UBR3: variants seen among roughly 807,000 people sequenced by gnomAD.
UBR3 encodes E3 ubiquitin-protein ligase UBR3.
Under a neutral mutation model 243.2 loss-of-function variants are expected in UBR3, and 85 were observed. The observed-to-expected ratio is 0.35, with a 90% CI of 0.29 to 0.42. The LOEUF (loss-of-function observed/expected upper bound fraction) is 0.42, where lower values mean the gene tolerates loss of function less well. Among genes scored for constraint, UBR3 ranks in the 10% least tolerant of loss-of-function variants. The probability of loss-of-function intolerance (pLI) is 1.00; values close to 1 mark genes in which losing one functional copy is unlikely to be tolerated. For missense variants in UBR3, 1,686 were observed against 2,300.8 expected, an observed-to-expected ratio of 0.73 and a Z score of 5.47; for synonymous variants, 748 against 799.8, an observed-to-expected ratio of 0.94 and a Z score of 1.09.
At chr2:170,019,930 C>G (rs1159771149) in intron 30 of UBR3, among the ~76,000 whole-genome samples, 1 of 152,050 alleles carries the variant, frequency 6.6e-6, no homozygotes, top group Non-Finnish European at 1.5e-5. Flanking sequence ...CACACACCAT[C>G]AGGCCCGACT....
In UBR3 at chr2:169,929,011, T is replaced by C. The variant is rs1365602264; in HGVS notation, c.2566+143T>C. 5.7e-6 allele frequency: 4 copies of C among 705,132 alleles called. No individual in the cohort carries two copies. In the East Asian group the frequency reaches 1.2e-4, roughly 22 times the overall value. 43.7% of individuals were successfully genotyped at this position (705,132 alleles called of 1,614,324 possible). A position where few individuals can be genotyped will look rare whatever the true frequency, so the allele number is the denominator to read the frequency against. On this transcript the variant is annotated intron_variant, in intron 18 of 38. Coordinates refer to ENST00000272793, the MANE Select transcript of UBR3 (RefSeq NM_172070.4). ...CCATTTTGTTATAAATGTATGTCTT[T>C]ATTGGTAAACAGTGATACTGCTTTC... is the stretch of plus-strand genomic sequence containing the variant.
chr2:169,959,061 C>T (rs564924264), intron 24 of UBR3, among the ~76,000 whole-genome samples: 1 of 152,174 alleles, frequency 6.6e-6, no homozygotes, highest in South Asian at 2.1e-4. Context: ...CTTTAGTTAA[C>T]CAGGGTATTC....
chr2:169,890,546 T>TATATACACAC (rs1165285588), intron 5 of UBR3, among the ~76,000 whole-genome samples: 4 of 56,108 alleles, frequency 7.1e-5, no homozygotes, highest in East Asian at 4.8e-4. Context: ...GAGAGATATA[T>TATATACACAC]ATATATATAT....
chr2:169,864,298 C>A (rs1017242552), intron 1 of UBR3, among the ~76,000 whole-genome samples: 14 of 152,086 alleles, frequency 9.2e-5, no homozygotes, highest in Admixed American at 6.6e-4. Flanking sequence ...TCAGATATTT[C>A]CATATTCTTG....
chr2:169,922,675 C>G (rs1163858214), intron 11 of UBR3, among the ~76,000 whole-genome samples: 1 of 152,144 alleles, frequency 6.6e-6, no homozygotes, highest in Non-Finnish European at 1.5e-5. Flanking sequence ...CTCTAAGAAC[C>G]TCATATAGGT....
intron 35 of UBR3, among the ~76,000 whole-genome samples, chr2:170,061,918 C>T (rs1263638805): frequency 6.6e-6 from 1 of 152,222 alleles, no homozygotes; most frequent in South Asian, 2.1e-4. Context: ...TTAACATCCA[C>T]CCATTTTTAT....
chr2:170,058,678 G>A (rs2091393900), intron 33 of UBR3, among the ~76,000 whole-genome samples: 1 of 151,862 alleles, frequency 6.6e-6, no homozygotes, highest in Non-Finnish European at 1.5e-5. Flanking sequence ...ACCACACCTG[G>A]CTAACTTTCC....
At position 169,991,556 on chromosome 2, in the gene UBR3, G is replaced by A. The variant is rs1359590702; in HGVS notation, c.3785-2767G>A. Among the ~76,000 whole-genome samples the A allele has an allele frequency of 2.0e-5, 3 of 152,032 alleles. No homozygotes were observed. The East Asian group carries it at 5.8e-4, about 29-fold the overall frequency. ...AAACCTGGGAAATTCACAAGTATGT[G>A]GAAATTAAACAACATACTCTTTATT... On this transcript the variant is annotated intron_variant, in intron 25 of 38. Transcript: ENST00000272793.
chr2:170,057,867 G>A (rs1055607334), intron 33 of UBR3, among the ~76,000 whole-genome samples: 2 of 151,862 alleles, frequency 1.3e-5, no homozygotes, highest in African/African-American at 4.8e-5. Flanking sequence ...TAAAAATTAC[G>A]ATAGTCTGTA....
chr2:169,909,894 T>A (rs913252483), intron 10 of UBR3, among the ~76,000 whole-genome samples: 6 of 152,178 alleles, frequency 3.9e-5, no homozygotes, highest in African/African-American at 1.4e-4. Flanking sequence ...AAGTATATTT[T>A]GGATATTCAA....
chr2:169,915,483 G>T (rs192782845), intron 11 of UBR3, among the ~76,000 whole-genome samples: 1 of 152,134 alleles, frequency 6.6e-6, no homozygotes, highest in Non-Finnish European at 1.5e-5. Context: ...TGATTCACCC[G>T]CCTCAGCCTC....
intron 24 of UBR3, among the ~76,000 whole-genome samples, chr2:169,967,237 C>T (rs1286433762): frequency 7.6e-6 from 1 of 132,058 alleles, no homozygotes. Context: ...TATGCCCCCC[C>T]CACCCCCCTA....
intron 7 of UBR3, among the ~76,000 whole-genome samples, chr2:169,895,985 T>C (rs1218304779): frequency 6.6e-6 from 1 of 151,052 alleles, no homozygotes; most frequent in Non-Finnish European, 1.5e-5. Flanking sequence ...AAAATGTACA[T>C]GTAAAGGAAA....
chr2:169,888,944 T>C (rs2084218970), intron 5 of UBR3, among the ~76,000 whole-genome samples: 1 of 152,078 alleles, frequency 6.6e-6, no homozygotes. Context: ...ATAAATAACA[T>C]TGTGATGAAT....
chr2:169,891,600 A>G (rs2084377162), intron 6 of UBR3, among the ~76,000 whole-genome samples: 1 of 66,184 alleles, frequency 1.5e-5, no homozygotes, highest in Non-Finnish European at 3.2e-5. Flanking sequence ...TGACATGGTG[A>G]GAGAGAGACA....
At chr2:169,829,814 TACAC>T (rs10530118) in intron 1 of UBR3, among the ~76,000 whole-genome samples, 17,840 of 149,090 alleles carry the variant, frequency 0.12, 1,142 homozygotes, top group African/African-American at 0.18. Flanking sequence ...AGCTAAAAAG[TACAC>T]ACACACACAC....
intron 24 of UBR3, among the ~76,000 whole-genome samples, chr2:169,971,709 T>C (rs1425222700): frequency 6.6e-6 from 1 of 152,150 alleles, no homozygotes; most frequent in Non-Finnish European, 1.5e-5. Flanking sequence ...ACCAGTACCA[T>C]GCTGTTTTGG....
chr2:169,886,797 C>T (rs746054815), intron 5 of UBR3, among the ~76,000 whole-genome samples: 18 of 152,136 alleles, frequency 1.2e-4, no homozygotes, highest in Non-Finnish European at 2.4e-4. Flanking sequence ...GTTAGAACTC[C>T]CTTGTAGTGT....
intron 24 of UBR3, among the ~76,000 whole-genome samples, chr2:169,984,232 G>C (rs747202331): frequency 3.3e-5 from 5 of 152,012 alleles, no homozygotes; most frequent in Non-Finnish European, 5.9e-5. Context: ...TTTAGAGTAG[G>C]GGTTTTTAAA....
Sources: gnomAD v4.1 joint callset for allele counts (sites outside exome capture counted in the v4.1 genomes callset) on GRCh38, gnomAD v4.1.1 for gene constraint, MANE v1.5 for transcripts, NCBI Gene and HGNC (gene_info 2026-07-23, HGNC 2026-07-21) for gene names.